Variants in SYT3 observed in about 807,000 individuals in gnomAD.
SYT3 encodes the protein synaptotagmin-3.
Under a neutral mutation model 50.6 loss-of-function variants are expected in SYT3, and 25 were observed. That is an observed-to-expected ratio of 0.49 (90% CI 0.36 to 0.69). The LOEUF (loss-of-function observed/expected upper bound fraction) is 0.69, where lower values mean the gene tolerates loss of function less well. Among genes scored for constraint, SYT3 ranks in the 30% least tolerant of loss-of-function variants. The pLI is 0.00. For synonymous variants in SYT3, 323 were observed against 353.9 expected (o/e 0.91, Z 0.98); for missense variants, 589 against 793.6 (o/e 0.74, Z 3.10).
the SYT3 span, among the ~76,000 whole-genome samples, chr19:50,650,103 G>T: frequency 6.6e-6 from 1 of 152,024 alleles, no homozygotes; most frequent in South Asian, 2.1e-4. Flanking sequence ...TCCCTCCATG[G>T]CTCCAGAGAG....
the SYT3 span, among the ~76,000 whole-genome samples, chr19:50,645,947 G>C: frequency 2.0e-5 from 3 of 151,948 alleles, no homozygotes; most frequent in African/African-American, 4.8e-5. Context: ...GGGTTCCAGA[G>C]ACAGGTAGAG....
chr19:50,640,636 CA>C (rs1306649243), upstream of SYT3, among the ~76,000 whole-genome samples: 7 of 152,134 alleles, frequency 4.6e-5, no homozygotes, highest in Non-Finnish European at 1.5e-5. Context: ...AGGTCTAGAT[CA>C]GGGGTGTCCA....
the SYT3 span, among the ~76,000 whole-genome samples, chr19:50,645,106 A>C: frequency 1.3e-5 from 2 of 152,252 alleles, no homozygotes; most frequent in Non-Finnish European, 2.9e-5. Context: ...GAGAGCAAAC[A>C]CTGAGAATGG....
In SYT3 at chr19:50,629,521, G is replaced by C. The variant is rs182688683; in HGVS notation, c.1063-9C>G. 2,800 of 1,610,570 alleles carry C rather than the reference G, an allele frequency of 1.7e-3. 45 individuals carry two copies. The African/African-American group carries it at 0.031, about 18-fold the overall frequency. ...AGGGTCTTCCTGTGCACCTGGTGGT[G>C]GTGGGCGACAGGAGACAGACACCGT... On this transcript the variant is annotated splice_polypyrimidine_tract_variant and intron_variant, in intron 5 of 10. Transcript: ENST00000600079.
At chr19:50,641,301 T>G (rs1014469484), upstream of SYT3, among the ~76,000 whole-genome samples, 1 of 146,164 alleles carries the variant, frequency 6.8e-6, no homozygotes, top group Non-Finnish European at 1.5e-5. Context: ...TGCCTCAGCC[T>G]CCTGAGTAGC....
rs547732085 is a variant in SYT3 at position 50,631,281 on chromosome 19, G to T, written c.674+1005C>A. Among the ~76,000 whole-genome samples, 82 of 151,162 alleles carry T rather than the reference G, an allele frequency of 5.4e-4. 2 individuals carry two copies. The South Asian group carries it at 0.016, about 30-fold the overall frequency. On this transcript the variant is annotated intron_variant, in intron 4 of 10. Transcript: ENST00000600079. ...TTCTCCCGTCTCAGCCTCCCGAGTAGCTGGGATTACAGACACACACAACCA... is the reference window on the plus strand; with the variant it reads ...TTCTCCCGTCTCAGCCTCCCGAGTATCTGGGATTACAGACACACACAACCA...
chr19:50,635,377 GA>G (rs1984463944), intron 3 of SYT3, among the ~76,000 whole-genome samples: 1 of 152,192 alleles, frequency 6.6e-6, no homozygotes, highest in African/African-American at 2.4e-5. Flanking sequence ...GCCTGATTCA[GA>G]CCCTGTCCAA....
intron 3 of SYT3, among the ~76,000 whole-genome samples, chr19:50,633,064 C>T (rs1244504311): frequency 6.6e-6 from 1 of 152,200 alleles, no homozygotes; most frequent in African/African-American, 2.4e-5. Flanking sequence ...TCACTGCACC[C>T]TCGAACTCTT....
chr19:50,636,277 A>T (rs1339079875), intron 3 of SYT3, among the ~76,000 whole-genome samples: 1 of 152,146 alleles, frequency 6.6e-6, no homozygotes, highest in African/African-American at 2.4e-5. Flanking sequence ...ACAGACAGAC[A>T]AACAAAAACA....
upstream of SYT3, among the ~76,000 whole-genome samples, chr19:50,642,080 G>A (rs953451071): frequency 6.6e-6 from 1 of 152,140 alleles, no homozygotes; most frequent in Non-Finnish European, 1.5e-5. Context: ...TGCCTCCCAG[G>A]TTTGCCGAGT....
At chr19:50,640,132 G>T (rs1454505222), upstream of SYT3, among the ~76,000 whole-genome samples, 1 of 152,152 alleles carries the variant, frequency 6.6e-6, no homozygotes, top group African/African-American at 2.4e-5. Context: ...GGGACCCCAG[G>T]CCCCTCTTCC....
At chr19:50,655,727 C>T in the SYT3 span, among the ~76,000 whole-genome samples, 3 of 152,028 alleles carry the variant, frequency 2.0e-5, no homozygotes, top group East Asian at 1.9e-4. Flanking sequence ...AAGAAGTAAG[C>T]CTGGGGTGAC....
At position 50,632,158 on chromosome 19, in the gene SYT3, C is replaced by T; in HGVS notation, c.674+128G>A. 3 of 1,103,612 alleles carry T rather than the reference C, an allele frequency of 2.7e-6. No individual in the cohort carries two copies. The highest frequency in any genetic ancestry group is 3.8e-6 in the Non-Finnish European group (3 of 788,632). The allele number at this position is 1,103,612 out of a possible 1,614,324, so 68.4% of individuals were successfully genotyped here. A position where few individuals can be genotyped will look rare whatever the true frequency, so the allele number is the denominator to read the frequency against. ...TCTAGGGCCCCAGCCTCCTCTTTCCCTAAGATCCAGGAGTCAATACCCCGA... is the reference window on the plus strand; with the variant it reads ...TCTAGGGCCCCAGCCTCCTCTTTCCTTAAGATCCAGGAGTCAATACCCCGA... On this transcript the variant is annotated intron_variant, in intron 4 of 10. Coordinates refer to ENST00000600079, the MANE Select transcript of SYT3 (RefSeq NM_001160329.2). This position sits in a 1 kb window ranked among gnomAD's most constrained non-coding sequence, Gnocchi z 4.7.
intron 6 of SYT3, among the ~76,000 whole-genome samples, chr19:50,626,506 G>A (rs2059146): frequency 1.1e-4 from 16 of 139,762 alleles, no homozygotes; most frequent in South Asian, 2.3e-4. Context: ...GAGAGAGAGG[G>A]GGGGGGACAG....
upstream of SYT3, among the ~76,000 whole-genome samples, chr19:50,641,017 G>A (rs1984658946): frequency 6.6e-6 from 1 of 151,994 alleles, no homozygotes; most frequent in African/African-American, 2.4e-5. Context: ...CCAGGAGTTT[G>A]AGACTATCCT....
In SYT3 at chr19:50,637,516, A is replaced by C; in HGVS notation, c.-15-90T>G. The C allele has an allele frequency of 8.4e-7, 1 of 1,187,690 alleles. No individual in the cohort carries two copies. The allele number at this position is 1,187,690 out of a possible 1,614,324, so 73.6% of individuals were successfully genotyped here. A position where few individuals can be genotyped will look rare whatever the true frequency, so the allele number is the denominator to read the frequency against. On this transcript the variant is annotated intron_variant, in intron 2 of 10. Transcript: ENST00000600079. The surrounding 1 kb of genome is among the most constrained non-coding windows in gnomAD (Gnocchi z 4.9). ...GGTGTGGAGATAAGGGTGGAAAGAG[A>C]CACCGAGAAAAGGAAGGATGGGCAA...
chr19:50,648,304 C>T, the SYT3 span, among the ~76,000 whole-genome samples: 1 of 152,126 alleles, frequency 6.6e-6, no homozygotes, highest in African/African-American at 2.4e-5. Flanking sequence ...AAGCTCGCCA[C>T]TGAACAAATC....
At chr19:50,630,583 C>T (rs898582772) in intron 4 of SYT3, among the ~76,000 whole-genome samples, 8 of 152,148 alleles carry the variant, frequency 5.3e-5, no homozygotes, top group Admixed American at 2.0e-4. Flanking sequence ...CCACCATATC[C>T]GGCTAATTTT....
At position 50,625,558 on chromosome 19, in the gene SYT3, T is replaced by C; in HGVS notation, c.1409A>G (p.Tyr470Cys). Residue 470 changes from tyrosine (Y) to cysteine (C), a missense_variant, in exon 8 of 11, where the codon TAC becomes TGC. Physicochemically the swap from Tyr to Cys is radical, Grantham distance 194. Coordinates refer to ENST00000600079, the MANE Select transcript of SYT3 (RefSeq NM_001160329.2). This position sits in a 1 kb window ranked among gnomAD's most constrained non-coding sequence, Gnocchi z 7.5. The part of the protein sequence containing the change: ...AMDLTGFSDP[Y>C]VKASLISEGR... ...CTCGCTGATCAGGGAGGCCTTCACG[T>C]AGGGGTCTGGGAACAGCAATGAAGT... The C allele has an allele frequency of 6.3e-7, 1 of 1,590,042 alleles. No individual in the cohort carries two copies. The highest frequency in any genetic ancestry group is 8.6e-7 in the Non-Finnish European group (1 of 1,168,996).
Sources: allele counts gnomAD v4.1 joint callset (sites outside exome capture counted in the v4.1 genomes callset), GRCh38; gene constraint gnomAD v4.1.1; non-coding constraint Gnocchi (gnomAD v3.1); transcripts MANE v1.5; gene names NCBI Gene and HGNC (gene_info 2026-07-23, HGNC 2026-07-21).